The following RANBP2 variants were observed in gnomAD, a reference collection of about 807,000 sequenced individuals.
The protein encoded by RANBP2 is E3 SUMO-protein ligase RanBP2.
A neutral mutation model predicts 303.6 loss-of-function variants in RANBP2; 57 were observed. The ratio of observed to expected loss-of-function variants is 0.19; its 90% CI spans 0.15 to 0.23. The LOEUF (loss-of-function observed/expected upper bound fraction) is 0.23. Among genes scored for constraint, RANBP2 ranks in the 10% least tolerant of loss-of-function variants. The pLI is 1.00. For missense variants in RANBP2, 3,138 were observed against 3,780.8 expected (o/e 0.83, Z 4.46); for synonymous variants, 1,167 against 1,301.5 (o/e 0.90, Z 2.23).
chr2:109,437,726 G>A, the RANBP2 span, among the ~76,000 whole-genome samples: 1 of 151,420 alleles, frequency 6.6e-6, no homozygotes. Flanking sequence ...AGAAACTTAA[G>A]GAAAACCGGT....
chr2:109,367,470 C>A, the RANBP2 span, among the ~76,000 whole-genome samples: 1 of 151,868 alleles, frequency 6.6e-6, no homozygotes, highest in Non-Finnish European at 1.5e-5. Flanking sequence ...TTAATAGAAA[C>A]GGGGTTTCAC....
At chr2:109,399,105 C>A in the RANBP2 span, among the ~76,000 whole-genome samples, 1 of 152,088 alleles carries the variant, frequency 6.6e-6, no homozygotes, top group African/African-American at 2.4e-5. Context: ...CACTGGGGCC[C>A]CCCTAGAAGC....
At chr2:109,401,780 C>T in the RANBP2 span, among the ~76,000 whole-genome samples, 8 of 152,280 alleles carry the variant, frequency 5.3e-5, no homozygotes, top group Admixed American at 1.3e-4. Context: ...CCATGGCCTC[C>T]GTGTTAAAAC....
chr2:109,463,515 A>G, the RANBP2 span, among the ~76,000 whole-genome samples: 1 of 152,136 alleles, frequency 6.6e-6, no homozygotes, highest in Non-Finnish European at 1.5e-5. Context: ...TCTGTTTCTC[A>G]TAGTCGTGGT....
chr2:109,728,457 A>T, the RANBP2 span, among the ~76,000 whole-genome samples: 575 of 151,120 alleles, frequency 3.8e-3, 4 homozygotes, highest in African/African-American at 0.014. Context: ...TAAAAAATTT[A>T]TTTTTTTTTA....
chr2:109,108,175 G>A, the RANBP2 span, among the ~76,000 whole-genome samples: 1 of 152,210 alleles, frequency 6.6e-6, no homozygotes. Context: ...AAAGTGCTGG[G>A]ATTACAGGCA....
At chr2:108,899,183 C>T in the RANBP2 span, among the ~76,000 whole-genome samples, 11 of 151,602 alleles carry the variant, frequency 7.3e-5, no homozygotes, top group South Asian at 4.2e-4. Flanking sequence ...AGAAAAACAA[C>T]GCCTGACCTA....
At chr2:108,850,102 A>G in the RANBP2 span, among the ~76,000 whole-genome samples, 1 of 152,246 alleles carries the variant, frequency 6.6e-6, no homozygotes, top group African/African-American at 2.4e-5. Context: ...AGACACTGTC[A>G]TGATACAGCT....
the RANBP2 span, among the ~76,000 whole-genome samples, chr2:108,832,233 G>A: frequency 6.6e-6 from 1 of 151,220 alleles, no homozygotes; most frequent in Non-Finnish European, 1.5e-5. Context: ...TACCATGTTG[G>A]CCTGGCTGGT....
At chr2:108,930,361 C>T in the RANBP2 span, 2 of 1,138,210 alleles carry the variant, frequency 1.8e-6, no homozygotes, top group Non-Finnish European at 2.6e-6. Context: ...CTGCTGGGGG[C>T]TCGGTCTGGG....
At chr2:108,874,408 C>G in the RANBP2 span, among the ~76,000 whole-genome samples, 1 of 152,038 alleles carries the variant, frequency 6.6e-6, no homozygotes, top group African/African-American at 2.4e-5. Flanking sequence ...ATAAGGACAT[C>G]GATTTTAAGT....
chr2:109,514,579 C>G, the RANBP2 span, among the ~76,000 whole-genome samples: 1 of 152,288 alleles, frequency 6.6e-6, no homozygotes, highest in East Asian at 1.9e-4. Context: ...AGGGCCGTCC[C>G]TAGAGTTGGG....
At chr2:109,036,290 ACACT>A in the RANBP2 span, among the ~76,000 whole-genome samples, 2 of 152,224 alleles carry the variant, frequency 1.3e-5, no homozygotes, top group African/African-American at 4.8e-5. Context: ...CCAATTTTAC[ACACT>A]CTATCTCAGA....
chr2:109,451,867 G>T, the RANBP2 span, among the ~76,000 whole-genome samples: 1 of 152,336 alleles, frequency 6.6e-6, no homozygotes, highest in East Asian at 1.9e-4. Context: ...CCACGCTTGG[G>T]GCTGGACACA....
the RANBP2 span, among the ~76,000 whole-genome samples, chr2:109,674,683 G>A: frequency 6.6e-6 from 1 of 152,160 alleles, no homozygotes; most frequent in Non-Finnish European, 1.5e-5. Context: ...AAGTAGTAAT[G>A]ATTTTATGTG....
the RANBP2 span, among the ~76,000 whole-genome samples, chr2:109,202,971 G>T: frequency 6.6e-6 from 1 of 152,208 alleles, no homozygotes; most frequent in African/African-American, 2.4e-5. Flanking sequence ...TTGTGCCTGA[G>T]GATAACACTT....
At chr2:109,631,771 A>T in the RANBP2 span, among the ~76,000 whole-genome samples, 1 of 138,214 alleles carries the variant, frequency 7.2e-6, no homozygotes, top group Non-Finnish European at 1.5e-5. Context: ...AAAAAGAAAA[A>T]GAAAGAAATC....
chr2:109,032,212 A>C, the RANBP2 span, among the ~76,000 whole-genome samples: 1 of 152,014 alleles, frequency 6.6e-6, no homozygotes, highest in African/African-American at 2.4e-5. Context: ...TCACTTCTAA[A>C]GTTATTACCT....
chr2:109,063,433 C>T, the RANBP2 span, among the ~76,000 whole-genome samples: 1 of 152,204 alleles, frequency 6.6e-6, no homozygotes, highest in Non-Finnish European at 1.5e-5. Flanking sequence ...GTGGCCTTTC[C>T]TTCAGCAGGC....
Sources: gnomAD v4.1 joint callset for allele counts (sites outside exome capture counted in the v4.1 genomes callset) on GRCh38, gnomAD v4.1.1 for gene constraint, MANE v1.5 for transcripts, NCBI Gene and HGNC (gene_info 2026-07-23, HGNC 2026-07-21) for gene names.